The following AATF variants were observed in gnomAD, a reference collection of about 807,000 sequenced individuals.
The protein encoded by AATF is protein AATF.
In AATF, 48 loss-of-function variants were observed where a neutral mutation model predicts 63.7. The observed-to-expected ratio is 0.75, with a 90% CI of 0.60 to 0.96. AATF has a LOEUF of 0.96. AATF is among the 40% of genes least tolerant of loss of function. The pLI is 0.00. For missense variants in AATF, 639 were observed against 685.7 expected, an observed-to-expected ratio of 0.93 and a Z score of 0.76; for synonymous variants, 258 against 247.7, an observed-to-expected ratio of 1.04 and a Z score of -0.39.
In AATF at chr17:37,038,321, C is replaced by G. The variant is rs936172475; in HGVS notation, c.1619+6636C>G. On this transcript the variant is annotated intron_variant, in intron 11 of 11. Transcript: ENST00000619387. ...TGTGTGGATGTAAGTCAGTAAAATG[C>G]TAGTATGACAAGACAAACAAATACT... is the stretch of plus-strand genomic sequence containing the variant. 6.6e-5 allele frequency among the ~76,000 whole-genome samples: 10 copies of G among 152,116 alleles called. No homozygotes were observed. The East Asian group carries it at 1.7e-3, about 26-fold the overall frequency.
chr17:37,017,719 G>GGAATGCA (rs1310656604), intron 8 of AATF, among the ~76,000 whole-genome samples: 1 of 152,140 alleles, frequency 6.6e-6, no homozygotes, highest in Non-Finnish European at 1.5e-5. Context: ...AACATCATGG[G>GGAATGCA]AGGTTTTCTA....
chr17:37,020,907 G>A (rs762258371), intron 9 of AATF, 27 bp from the exon 10 acceptor site: 3 of 1,580,094 alleles, frequency 1.9e-6, no homozygotes, highest in African/African-American at 1.4e-5. Context: ...TAGTGATGAT[G>A]CATAACATTG....
intron 8 of AATF, among the ~76,000 whole-genome samples, chr17:37,015,486 G>A (rs1482193928): frequency 6.6e-6 from 1 of 152,198 alleles, no homozygotes; most frequent in Non-Finnish European, 1.5e-5. Flanking sequence ...TCACATGGCA[G>A]AAGGTGGAAA....
At chr17:36,964,172 T>G (rs1373382511) in intron 4 of AATF, among the ~76,000 whole-genome samples, 1 of 97,538 alleles carries the variant, frequency 1.0e-5, no homozygotes, top group African/African-American at 3.6e-5. Flanking sequence ...GTGTTTTGCT[T>G]TTTTTTTTTT....
In AATF at chr17:37,018,998, C is replaced by G. The variant is rs1025180979; in HGVS notation, c.1399-7C>G. The stretch of plus-strand genomic sequence containing the variant: ...AAATAAATTCGTTGCTTTCCTTTTT[C>G]CCCTAGCTCCTTCGAGAACTCATAG... On this transcript the variant is annotated splice_polypyrimidine_tract_variant and splice_region_variant and intron_variant, in intron 8 of 11. Transcript: ENST00000619387. 3 of 1,613,234 alleles carry G rather than the reference C, an allele frequency of 1.9e-6. No homozygotes were observed. Among genetic ancestry groups the G allele is most frequent in the African/African-American group, 2.7e-5 (2 of 74,886 alleles).
chr17:37,033,768 G>A (rs576577155), intron 11 of AATF: 4 of 154,618 alleles, frequency 2.6e-5, no homozygotes, highest in African/African-American at 7.2e-5. Context: ...ACATCTCTTG[G>A]TCTTTCCCCT....
At chr17:36,977,853 T>C (rs1163249033) in intron 4 of AATF, among the ~76,000 whole-genome samples, 1 of 152,194 alleles carries the variant, frequency 6.6e-6, no homozygotes, top group Admixed American at 6.5e-5. Flanking sequence ...ATGCAGGTTG[T>C]CTAGGAACTG....
At chr17:37,007,303 T>G (rs2071348664) in intron 8 of AATF, among the ~76,000 whole-genome samples, 1 of 151,082 alleles carries the variant, frequency 6.6e-6, no homozygotes, top group South Asian at 2.1e-4. Flanking sequence ...TCTTTCCACC[T>G]CAGCCTCCTA....
chr17:36,973,095 G>A (rs543075769), intron 4 of AATF, among the ~76,000 whole-genome samples: 1 of 151,566 alleles, frequency 6.6e-6, no homozygotes, highest in South Asian at 2.1e-4. Flanking sequence ...GGCAATTGCA[G>A]TTAATCCTGC....
intron 8 of AATF, among the ~76,000 whole-genome samples, chr17:37,005,155 G>A (rs1383970257): frequency 1.3e-5 from 2 of 152,146 alleles, no homozygotes; most frequent in East Asian, 1.9e-4. Context: ...CCCAGACTCC[G>A]CTGACACATT....
intron 11 of AATF, among the ~76,000 whole-genome samples, chr17:37,033,375 A>G (rs964162010): frequency 1.6e-4 from 25 of 152,238 alleles, no homozygotes; most frequent in African/African-American, 5.8e-4. Context: ...AAACCCTTTA[A>G]GGTTACGTTA....
In AATF at chr17:36,950,241, T is replaced by C. The variant is rs749126565; in HGVS notation, c.119T>C (p.Phe40Ser). 10 of 1,613,974 alleles carry C rather than the reference T, an allele frequency of 6.2e-6. No individual in the cohort carries two copies. The highest frequency in any genetic ancestry group is 8.5e-6 in the Non-Finnish European group (10 of 1,179,982). ...ACTGCTGCCAGGGTGATTGACAGGT[T>C]TGATGAAGGGGAAGATGGGGAAGGT... ...EATAARVIDR[F>S]DEGEDGEGDF... The change falls in exon 2 of 12, where the codon TTT (phenylalanine) becomes TCT (serine). Residue 40 changes from phenylalanine (F) to serine (S), a missense_variant. Transcript: ENST00000619387.
chr17:36,959,051 A>G (rs1334788855), intron 4 of AATF, among the ~76,000 whole-genome samples: 1 of 152,156 alleles, frequency 6.6e-6, no homozygotes, highest in Non-Finnish European at 1.5e-5. Context: ...GAGGCCAAAC[A>G]GGAAAATCTC....
chr17:36,964,311 T>C (rs1327020637), intron 4 of AATF, among the ~76,000 whole-genome samples: 1 of 150,712 alleles, frequency 6.6e-6, no homozygotes, highest in Non-Finnish European at 1.5e-5. Flanking sequence ...TGAGTGGGGA[T>C]GGAGTGGAGA....
chr17:36,955,920 G>A (rs2070896167), intron 4 of AATF, among the ~76,000 whole-genome samples: 1 of 152,004 alleles, frequency 6.6e-6, no homozygotes, highest in Non-Finnish European at 1.5e-5. Flanking sequence ...GAGCCACCAT[G>A]CCCGACTAAT....
At chr17:37,035,585 C>T (rs2071585702) in intron 11 of AATF, among the ~76,000 whole-genome samples, 1 of 149,196 alleles carries the variant, frequency 6.7e-6, no homozygotes, top group African/African-American at 2.5e-5. Context: ...GTTGCCCAGG[C>T]AAGAGTGCAG....
intron 8 of AATF, among the ~76,000 whole-genome samples, chr17:37,008,647 T>C (rs914731925): frequency 6.6e-6 from 1 of 152,118 alleles, no homozygotes; most frequent in African/African-American, 2.4e-5. Context: ...GAAGATCACT[T>C]GAGGTCAAGA....
At chr17:37,052,190 G>T (rs1174488224) in intron 11 of AATF, 2 of 152,108 alleles carry the variant, frequency 1.3e-5, no homozygotes, top group Admixed American at 1.3e-4. Flanking sequence ...GGAATTATGT[G>T]TTTTTTTAAA....
At chr17:36,966,332 A>G (rs1313186295) in intron 4 of AATF, among the ~76,000 whole-genome samples, 1 of 151,992 alleles carries the variant, frequency 6.6e-6, no homozygotes, top group South Asian at 2.1e-4. Context: ...TGATGTGATC[A>G]TAACTCACTG....
Sources: allele counts gnomAD v4.1 joint callset (sites outside exome capture counted in the v4.1 genomes callset), GRCh38; gene constraint gnomAD v4.1.1; transcripts MANE v1.5; gene names NCBI Gene and HGNC (gene_info 2026-07-23, HGNC 2026-07-21).